Variants in AUTS2 observed in about 807,000 individuals in gnomAD.
The protein encoded by AUTS2 is autism susceptibility gene 2 protein.
In AUTS2, 17 loss-of-function variants were observed where a neutral mutation model predicts 112.4. That is an observed-to-expected ratio of 0.15 (90% CI 0.10 to 0.23). The LOEUF (loss-of-function observed/expected upper bound fraction) is 0.23. Ranked by LOEUF, AUTS2 falls within the 10% of genes least tolerant of loss-of-function variation. The pLI is 1.00. For missense variants in AUTS2, 1,510 were observed against 1,701.6 expected, an observed-to-expected ratio of 0.89 and a Z score of 1.98; for synonymous variants, 751 against 702.7, an observed-to-expected ratio of 1.07 and a Z score of -1.09.
In AUTS2 at chr7:70,790,632, C is replaced by T. The variant is rs762069191; in HGVS notation, c.3416C>T (p.Pro1139Leu). The T allele has an allele frequency of 9.3e-6, 15 of 1,611,832 alleles. No homozygotes were observed. The highest frequency in any genetic ancestry group is 1.7e-4 in the Middle Eastern group (1 of 6,056). Residue 1139 changes from proline to leucine, a missense_variant, in exon 19 of 19, where the codon CCT (proline) becomes CTT (leucine). Physicochemically the swap from Pro to Leu is moderately conservative, Grantham distance 98. Coordinates refer to ENST00000342771, the MANE Select transcript of AUTS2 (RefSeq NM_015570.4). This position sits in a 1 kb window ranked among gnomAD's most constrained non-coding sequence, Gnocchi z 7.6. ...HHHHHPLSVDPRREHERGGHL... is the reference protein window; with the variant it reads ...HHHHHPLSVDLRREHERGGHL... ...CACCACCACCCGCTGTCTGTGGACC[C>T]TCGGCGGGAGCACGAGCGGGGAGGC...
At chr7:70,431,631 G>C (rs575559780) in intron 4 of AUTS2, among the ~76,000 whole-genome samples, 1 of 152,036 alleles carries the variant, frequency 6.6e-6, no homozygotes, top group African/African-American at 2.4e-5. Flanking sequence ...TGATCCACCC[G>C]CCTTCAGCCT....
Position 69,867,933 on chromosome 7 carries a change from A to G in AUTS2, c.310-31353A>G, listed in dbSNP as rs756585087. On this transcript the variant is annotated intron_variant, in intron 1 of 18. Transcript: ENST00000342771. ...TTTTAGTATAAGTATGTCTCATGCA[A>G]TATTTGAGAATACTTACTCTAAAAA... Among the ~76,000 whole-genome samples, 38 of 152,178 alleles carry G rather than the reference A, an allele frequency of 2.5e-4. 1 individual carries two copies. Among genetic ancestry groups the G allele is most frequent in the Non-Finnish European group, 5.9e-5 (4 of 68,036 alleles).
intron 4 of AUTS2, among the ~76,000 whole-genome samples, chr7:70,148,384 A>ACAAT (rs1807248457): frequency 1.3e-5 from 2 of 152,274 alleles, no homozygotes; most frequent in Non-Finnish European, 2.9e-5. Flanking sequence ...CATAAGACCA[A>ACAAT]CAATACTCAA....
intron 5 of AUTS2, among the ~76,000 whole-genome samples, chr7:70,606,643 C>G (rs1341992685): frequency 6.6e-6 from 1 of 152,062 alleles, no homozygotes; most frequent in African/African-American, 2.4e-5. Context: ...GGCAGATCGC[C>G]TGAGGTCGGA....
At chr7:69,650,272 G>A (rs1232168105) in intron 1 of AUTS2, among the ~76,000 whole-genome samples, 1 of 152,190 alleles carries the variant, frequency 6.6e-6, no homozygotes, top group East Asian at 1.9e-4. Context: ...CTTGCTGAGG[G>A]AGGGCCTTCT....
chr7:70,057,997 A>C (rs1476903033), intron 2 of AUTS2, among the ~76,000 whole-genome samples: 1 of 152,200 alleles, frequency 6.6e-6, no homozygotes, highest in African/African-American at 2.4e-5. Flanking sequence ...CTATCATGGT[A>C]AGTAACAGGA....
rs1315678896 is a variant in AUTS2, at chr7:70,694,864, C to T, written c.691-3705C>T. The T allele has an allele frequency of 3.3e-5, 5 of 152,040 alleles. No individual in the cohort carries two copies. The highest frequency in any genetic ancestry group is 2.9e-5 in the Non-Finnish European group (2 of 68,046). The allele number at this position is 152,040 out of a possible 1,614,324, so 9.4% of individuals were successfully genotyped here. ...CTGGTTCGGCGCCTCCGCTCTCGGA[C>T]TTTGGCGAGGAAGGAGCCCAGAGAC... On this transcript the variant is annotated intron_variant, in intron 5 of 18. Coordinates refer to ENST00000342771, the MANE Select transcript of AUTS2 (RefSeq NM_015570.4). The surrounding 1 kb of genome is among the most constrained non-coding windows in gnomAD (Gnocchi z 4.1).
intron 5 of AUTS2, among the ~76,000 whole-genome samples, chr7:70,650,999 G>A (rs1046981789): frequency 2.0e-5 from 3 of 152,186 alleles, no homozygotes; most frequent in African/African-American, 7.2e-5. Context: ...GTCCGAATGG[G>A]ATGAAGATAA....
intron 1 of AUTS2, among the ~76,000 whole-genome samples, chr7:69,751,339 A>G (rs916168242): frequency 2.6e-5 from 4 of 152,158 alleles, no homozygotes; most frequent in Admixed American, 6.5e-5. Flanking sequence ...ATGATTTTCA[A>G]TGCTATTTAT....
chr7:70,048,268 G>T (rs987599742), intron 2 of AUTS2, among the ~76,000 whole-genome samples: 1 of 152,056 alleles, frequency 6.6e-6, no homozygotes, highest in Non-Finnish European at 1.5e-5. Flanking sequence ...GGGCTCTTCT[G>T]TATCTCCATT....
At chr7:70,538,163 G>A (rs1800398686) in intron 5 of AUTS2, among the ~76,000 whole-genome samples, 1 of 152,168 alleles carries the variant, frequency 6.6e-6, no homozygotes, top group Non-Finnish European at 1.5e-5. Flanking sequence ...CTTGAGCTCA[G>A]GGCATCAAGT....
chr7:70,059,836 C>T (rs1032294859), intron 2 of AUTS2, among the ~76,000 whole-genome samples: 1 of 152,172 alleles, frequency 6.6e-6, no homozygotes, highest in Non-Finnish European at 1.5e-5. Flanking sequence ...AGTAATGTCA[C>T]TCATTTATTT....
chr7:70,222,323 A>T (rs1481509850), intron 4 of AUTS2, among the ~76,000 whole-genome samples: 1 of 152,180 alleles, frequency 6.6e-6, no homozygotes, highest in African/African-American at 2.4e-5. Context: ...GGTGTTTGCA[A>T]GGTGAGTGAA....
chr7:70,679,543 A>T (rs1079550), intron 5 of AUTS2, among the ~76,000 whole-genome samples: 91,620 of 151,688 alleles, frequency 0.6, 28,612 homozygotes, highest in East Asian at 0.97. Context: ...TAAAGATCTG[A>T]CCTATTGAGG....
intron 3 of AUTS2, among the ~76,000 whole-genome samples, chr7:70,129,519 C>T (rs1029699525): frequency 3.9e-5 from 6 of 152,200 alleles, no homozygotes; most frequent in Admixed American, 2.6e-4. Context: ...AAATTGACCA[C>T]CACAATCACA....
At chr7:70,072,271 G>C (rs1781536394) in intron 2 of AUTS2, among the ~76,000 whole-genome samples, 1 of 152,088 alleles carries the variant, frequency 6.6e-6, no homozygotes, top group Admixed American at 6.6e-5. Context: ...ATTAGAGAAA[G>C]CTTAGCAGGC....
chr7:70,568,214 G>A (rs1246665227), intron 5 of AUTS2, among the ~76,000 whole-genome samples: 3 of 152,266 alleles, frequency 2.0e-5, no homozygotes, highest in Admixed American at 1.3e-4. Flanking sequence ...ACTGTTTTAT[G>A]GGGAATATGT....
At chr7:70,088,288 T>G (rs1206207361) in intron 2 of AUTS2, among the ~76,000 whole-genome samples, 1 of 151,730 alleles carries the variant, frequency 6.6e-6, no homozygotes, top group Non-Finnish European at 1.5e-5. Flanking sequence ...CACGCCTGGC[T>G]AAATTTGTTT....
chr7:70,350,802 C>T (rs934844596), intron 4 of AUTS2, among the ~76,000 whole-genome samples: 7 of 152,124 alleles, frequency 4.6e-5, no homozygotes, highest in Admixed American at 3.9e-4. Flanking sequence ...TAACTAGAGT[C>T]CTCCTGCCCT....
Sources: gnomAD v4.1 joint callset for allele counts (sites outside exome capture counted in the v4.1 genomes callset) on GRCh38, gnomAD v4.1.1 for gene constraint, Gnocchi (gnomAD v3.1) non-coding constraint, MANE v1.5 for transcripts, NCBI Gene and HGNC (gene_info 2026-07-23, HGNC 2026-07-21) for gene names.